Variants in PRORP observed in about 807,000 individuals in gnomAD.
The protein encoded by PRORP is mitochondrial ribonuclease P catalytic subunit.
A neutral mutation model predicts 59.4 loss-of-function variants in PRORP; 51 were observed. The observed-to-expected ratio is 0.86, with a 90% CI of 0.69 to 1.08. PRORP has a LOEUF of 1.08. Among genes scored for constraint, PRORP ranks in the 50% least tolerant of loss-of-function variants. The pLI is 0.00. For missense variants in PRORP, 646 were observed against 690.3 expected, an observed-to-expected ratio of 0.94 and a Z score of 0.72; for synonymous variants, 231 against 245.6, an observed-to-expected ratio of 0.94 and a Z score of 0.55.
intron 5 of PRORP, among the ~76,000 whole-genome samples, chr14:35,212,069 A>G (rs1450004153): frequency 2.6e-5 from 4 of 152,156 alleles, no homozygotes; most frequent in East Asian, 1.9e-4. Context: ...TCAAGAAACC[A>G]TTTTCTTTGT....
At chr14:35,246,187 A>G (rs143226954) in intron 5 of PRORP, among the ~76,000 whole-genome samples, 114 of 152,164 alleles carry the variant, frequency 7.5e-4, no homozygotes, top group Middle Eastern at 6.8e-3. Flanking sequence ...TGTATGGTCT[A>G]TTTTCATTCA....
In PRORP at chr14:35,132,255, C is replaced by T. The variant is rs560403324; in HGVS notation, c.1167+4644C>T. Among the ~76,000 whole-genome samples, 9 of 145,624 alleles carry T rather than the reference C, an allele frequency of 6.2e-5. No homozygotes were observed. In the East Asian group the frequency reaches 8.6e-4, roughly 14 times the overall value. ...GGTGGATCAGCTGGGGTCAGGAGTT[C>T]GAGACCAGCCTGGCCAACGTGGTGA... On this transcript the variant is annotated intron_variant, in intron 4 of 7. Coordinates refer to ENST00000534898, the MANE Select transcript of PRORP (RefSeq NM_014672.4).
At chr14:35,177,001 G>A (rs751285110) in intron 4 of PRORP, among the ~76,000 whole-genome samples, 4 of 152,114 alleles carry the variant, frequency 2.6e-5, no homozygotes, top group Non-Finnish European at 5.9e-5. Context: ...TGAGATAATA[G>A]TGTGGTTTTT....
intron 5 of PRORP, among the ~76,000 whole-genome samples, chr14:35,202,129 C>G (rs1282246428): frequency 6.6e-6 from 1 of 151,610 alleles, no homozygotes; most frequent in East Asian, 1.9e-4. Flanking sequence ...GCCACCACGC[C>G]CGGCTAACTT....
intron 5 of PRORP, among the ~76,000 whole-genome samples, chr14:35,258,770 G>A (rs573536884): frequency 3.9e-4 from 60 of 152,248 alleles, no homozygotes; most frequent in African/African-American, 1.4e-3. Context: ...AATGAACCGC[G>A]TATTGTTTAT....
Position 35,123,527 on chromosome 14 carries a change from A to C in PRORP, c.282A>C (p.Ser94=). ...FFLAGAAKER[S]QMNSQTEDHA... is the part of the protein sequence containing the mutation. ...TAGCTGGAGCAGCTAAGGAGAGATC[A>C]CAGATGAATTCTCAAACTGAAGATC... is the stretch of plus-strand genomic sequence containing the variant. Residue 94 remains serine (S), a synonymous_variant, in exon 2 of 8, where the codon TCA becomes TCC. Transcript: ENST00000534898. 6.2e-7 allele frequency: 1 copy of C among 1,614,194 alleles called. No individual in the cohort carries two copies. Among genetic ancestry groups the C allele is most frequent in the Non-Finnish European group, 8.5e-7 (1 of 1,180,048 alleles).
At chr14:35,218,401 C>T (rs1463703706) in intron 5 of PRORP, among the ~76,000 whole-genome samples, 1 of 121,374 alleles carries the variant, frequency 8.2e-6, no homozygotes, top group Non-Finnish European at 1.6e-5. Flanking sequence ...GTCAAGGCTG[C>T]AGTAAGCTGT....
intron 5 of PRORP, among the ~76,000 whole-genome samples, chr14:35,264,202 A>G (rs1002284585): frequency 6.6e-6 from 1 of 152,002 alleles, no homozygotes; most frequent in African/African-American, 2.4e-5. Context: ...ATCTCAGCTC[A>G]TGGCAACCTC....
chr14:35,158,128 CCTG>C (rs2047964478), intron 4 of PRORP: 1 of 276,576 alleles, frequency 3.6e-6, no homozygotes, highest in Admixed American at 5.5e-5. Flanking sequence ...ATTTCAAACA[CCTG>C]CTCCATTTCC....
chr14:35,250,110 T>C (rs1002188297), intron 5 of PRORP, among the ~76,000 whole-genome samples: 1 of 151,870 alleles, frequency 6.6e-6, no homozygotes, highest in African/African-American at 2.4e-5. Flanking sequence ...TAGCTGGGCA[T>C]GGTGGCGCAT....
intron 5 of PRORP, among the ~76,000 whole-genome samples, chr14:35,197,069 A>G (rs1231118646): frequency 6.6e-6 from 1 of 152,230 alleles, no homozygotes; most frequent in Non-Finnish European, 1.5e-5. Context: ...CAAGTGATCC[A>G]GTGTCTTTGA....
At chr14:35,223,171 T>C (rs2049834199) in intron 5 of PRORP, among the ~76,000 whole-genome samples, 2 of 152,082 alleles carry the variant, frequency 1.3e-5, no homozygotes, top group Non-Finnish European at 2.9e-5. Flanking sequence ...TTTGTTGTTT[T>C]CTCCACTTTC....
intron 5 of PRORP, among the ~76,000 whole-genome samples, chr14:35,188,965 G>GAAAGAAAGAAAT (rs2048815806): frequency 1.3e-5 from 1 of 78,712 alleles, no homozygotes. Context: ...AAAAAAAAAA[G>GAAAGAAAGAAAT]TATTGCCTAA....
intron 5 of PRORP, among the ~76,000 whole-genome samples, chr14:35,256,326 C>CTTTT (rs1178856754): frequency 0.014 from 1,165 of 82,772 alleles, 156 homozygotes; most frequent in African/African-American, 0.058. Flanking sequence ...TTGTGCGTAT[C>CTTTT]TTTTTTTTTT....
chr14:35,237,205 G>C (rs2050244679), intron 5 of PRORP, among the ~76,000 whole-genome samples: 1 of 151,702 alleles, frequency 6.6e-6, no homozygotes, highest in Non-Finnish European at 1.5e-5. Context: ...TGATCCTCCT[G>C]CCTCTGCATC....
At chr14:35,198,573 G>A (rs1028528785) in intron 5 of PRORP, among the ~76,000 whole-genome samples, 3 of 152,198 alleles carry the variant, frequency 2.0e-5, no homozygotes, top group African/African-American at 7.2e-5. Context: ...CCACAGCAGG[G>A]CTAGACCTTG....
chr14:35,179,504 A>T (rs1416994171), intron 4 of PRORP, among the ~76,000 whole-genome samples: 3 of 151,998 alleles, frequency 2.0e-5, no homozygotes, highest in Non-Finnish European at 2.9e-5. Flanking sequence ...TCCATCACTG[A>T]TACCCTTTCT....
rs116306547 is a variant in PRORP, at chr14:35,230,511, A to G, written c.1276-36216A>G. Among the ~76,000 whole-genome samples, 778 of 152,312 alleles carry G rather than the reference A, an allele frequency of 5.1e-3. 8 individuals carry two copies. The highest frequency in any genetic ancestry group is 0.018 in the African/African-American group (739 of 41,568). On this transcript the variant is annotated intron_variant, in intron 5 of 7. Transcript: ENST00000534898. ...TGAAAAGCTGTCTTGTTCTCCCTAA[A>G]CATTGGGGATTTTGACTGTGGGATT... is the stretch of plus-strand genomic sequence containing the variant.
At chr14:35,252,747 A>G (rs2050646810) in intron 5 of PRORP, among the ~76,000 whole-genome samples, 1 of 152,204 alleles carries the variant, frequency 6.6e-6, no homozygotes, top group African/African-American at 2.4e-5. Context: ...TGTTGCACAC[A>G]GAAAACAGAA....
Sources: gnomAD v4.1 joint callset for allele counts (sites outside exome capture counted in the v4.1 genomes callset) on GRCh38, gnomAD v4.1.1 for gene constraint, MANE v1.5 for transcripts, NCBI Gene and HGNC (gene_info 2026-07-23, HGNC 2026-07-21) for gene names.